CPNE8: variants seen among roughly 807,000 people sequenced by gnomAD.
The protein encoded by CPNE8 is copine-8.
Under a neutral mutation model 81.5 loss-of-function variants are expected in CPNE8, and 45 were observed. The ratio of observed to expected loss-of-function variants is 0.55; its 90% CI spans 0.44 to 0.71. The LOEUF (loss-of-function observed/expected upper bound fraction) is 0.71. Ranked by LOEUF, CPNE8 falls within the 30% of genes least tolerant of loss-of-function variation. The pLI is 0.00. For synonymous variants in CPNE8, 252 were observed against 226.3 expected, an observed-to-expected ratio of 1.11 and a Z score of -1.02; for missense variants, 594 against 672.1, an observed-to-expected ratio of 0.88 and a Z score of 1.28.
In CPNE8 at chr12:38,873,068, A is replaced by C. The variant is rs1239072797; in HGVS notation, c.140-18T>G. 6.9e-7 allele frequency: 1 copy of C among 1,441,816 alleles called. No individual in the cohort carries two copies. The highest frequency in any genetic ancestry group is 9.7e-7 in the Non-Finnish European group (1 of 1,032,176). The allele number at this position is 1,441,816 out of a possible 1,614,324, so 89.3% of individuals were successfully genotyped here. The stretch of plus-strand genomic sequence containing the variant: ...GACACAAACTACAAAAGATGAAAAA[A>C]TACGCACATATAAATGTCTTTTATG... On this transcript the variant is annotated intron_variant, in intron 2 of 19. Transcript: ENST00000331366.
intron 6 of CPNE8, among the ~76,000 whole-genome samples, chr12:38,805,847 T>C (rs1022138565): frequency 3.4e-5 from 5 of 149,202 alleles, no homozygotes; most frequent in African/African-American, 7.3e-5. Flanking sequence ...ACAAAATTGA[T>C]AGACCACTAG....
At chr12:38,681,257 C>T (rs1213581447) in intron 16 of CPNE8, among the ~76,000 whole-genome samples, 1 of 151,912 alleles carries the variant, frequency 6.6e-6, no homozygotes, top group African/African-American at 2.4e-5. Flanking sequence ...AGATGGTTTA[C>T]ACCATATACA....
At chr12:38,902,359 A>G (rs1944487874) in intron 1 of CPNE8, among the ~76,000 whole-genome samples, 6 of 96,226 alleles carry the variant, frequency 6.2e-5, no homozygotes, top group African/African-American at 1.9e-4. Flanking sequence ...AAAGAAAGAA[A>G]GAAAGAAAGA....
chr12:38,831,728 A>G (rs903812061), intron 5 of CPNE8, among the ~76,000 whole-genome samples: 1 of 152,234 alleles, frequency 6.6e-6, no homozygotes, highest in Non-Finnish European at 1.5e-5. Context: ...GAATTTTAAT[A>G]AACCTAAATT....
chr12:38,819,227 G>A lies in CPNE8; in HGVS notation c.407+10152C>T, dbSNP rs142704538. ...TTTGCCCATGCCTATGTCCTGAATC[G>A]TATTGTCTAGGTTTTATTCTAGGGT... is the stretch of plus-strand genomic sequence containing the variant. On this transcript the variant is annotated intron_variant, in intron 6 of 19. Coordinates refer to ENST00000331366, the MANE Select transcript of CPNE8 (RefSeq NM_153634.3). Among the ~76,000 whole-genome samples the A allele has an allele frequency of 2.9e-3, 440 of 152,194 alleles. 1 individual carries two copies. Among genetic ancestry groups the A allele is most frequent in the Non-Finnish European group, 4.4e-3 (299 of 68,006 alleles).
chr12:38,744,171 G>A (rs1213058427), intron 10 of CPNE8, among the ~76,000 whole-genome samples: 2 of 152,130 alleles, frequency 1.3e-5, no homozygotes, highest in African/African-American at 4.8e-5. Context: ...AACACAGAGA[G>A]GTCTTGGAAA....
chr12:38,783,559 C>A (rs1046149048), intron 6 of CPNE8, among the ~76,000 whole-genome samples: 8 of 152,088 alleles, frequency 5.3e-5, no homozygotes, highest in African/African-American at 1.9e-4. Context: ...TGATGCCCAC[C>A]CACAGAGGGA....
At chr12:38,655,500 A>G (rs1938797912) in intron 19 of CPNE8, among the ~76,000 whole-genome samples, 1 of 152,206 alleles carries the variant, frequency 6.6e-6, no homozygotes, top group South Asian at 2.1e-4. Flanking sequence ...TTTGAGTACA[A>G]TATATAAAAA....
intron 13 of CPNE8, among the ~76,000 whole-genome samples, chr12:38,705,754 A>T (rs1940091475): frequency 1.3e-5 from 2 of 152,120 alleles, no homozygotes; most frequent in African/African-American, 4.8e-5. Flanking sequence ...TTGAATCTGA[A>T]TGAACTGGGT....
At chr12:38,708,282 A>G (rs1328418146) in intron 13 of CPNE8, among the ~76,000 whole-genome samples, 2 of 152,158 alleles carry the variant, frequency 1.3e-5, no homozygotes, top group Non-Finnish European at 2.9e-5. Flanking sequence ...TAAACCAAAC[A>G]ACATTTCAAT....
chr12:38,691,999 G>C (rs758578128), intron 15 of CPNE8, among the ~76,000 whole-genome samples: 1 of 152,028 alleles, frequency 6.6e-6, no homozygotes, highest in Non-Finnish European at 1.5e-5. Context: ...TGGGCTCAAA[G>C]AACAAATTAA....
At chr12:38,879,152 C>T (rs947526500) in intron 1 of CPNE8, among the ~76,000 whole-genome samples, 2 of 152,130 alleles carry the variant, frequency 1.3e-5, no homozygotes, top group African/African-American at 4.8e-5. Context: ...AAAACTCCAA[C>T]CAGCCTGTGC....
At chr12:38,777,101 G>A (rs1941953264) in intron 6 of CPNE8, among the ~76,000 whole-genome samples, 1 of 151,622 alleles carries the variant, frequency 6.6e-6, no homozygotes. Flanking sequence ...AGAAGGCACT[G>A]TTATCACAGG....
chr12:38,716,282 A>G (rs1037086535), intron 13 of CPNE8, among the ~76,000 whole-genome samples: 1 of 152,144 alleles, frequency 6.6e-6, no homozygotes, highest in Non-Finnish European at 1.5e-5. Flanking sequence ...TTCTTGACAG[A>G]ATGAGTAAAC....
chr12:38,755,570 A>C (rs1355389546), intron 10 of CPNE8, among the ~76,000 whole-genome samples: 1 of 152,172 alleles, frequency 6.6e-6, no homozygotes, highest in African/African-American at 2.4e-5. Context: ...TGAGCTTTAA[A>C]TATTCATCCC....
chr12:38,806,858 C>T (rs1339009070), intron 6 of CPNE8, among the ~76,000 whole-genome samples: 3 of 150,552 alleles, frequency 2.0e-5, no homozygotes, highest in African/African-American at 4.8e-5. Context: ...AAAACCCCAT[C>T]GTCTCAGCCC....
chr12:38,762,917 G>A (rs1356885570), intron 8 of CPNE8, among the ~76,000 whole-genome samples: 1 of 152,170 alleles, frequency 6.6e-6, no homozygotes, highest in Non-Finnish European at 1.5e-5. Flanking sequence ...GGAGTGCAGC[G>A]GCGTGATCTT....
chr12:38,767,015 CA>C, intron 8 of CPNE8, among the ~76,000 whole-genome samples: 1 of 152,154 alleles, frequency 6.6e-6, no homozygotes, highest in Middle Eastern at 3.4e-3. Flanking sequence ...ATCTAGACAA[CA>C]GAAATTAGCC....
At chr12:38,724,080 C>T (rs1202739490) in intron 12 of CPNE8, among the ~76,000 whole-genome samples, 3 of 152,226 alleles carry the variant, frequency 2.0e-5, no homozygotes, top group South Asian at 4.1e-4. Flanking sequence ...TGAAAATTAT[C>T]TACAAGGACA....
Sources: gnomAD v4.1 joint callset for allele counts (sites outside exome capture counted in the v4.1 genomes callset) on GRCh38, gnomAD v4.1.1 for gene constraint, MANE v1.5 for transcripts, NCBI Gene and HGNC (gene_info 2026-07-23, HGNC 2026-07-21) for gene names.